The following TAF4 variants were observed in gnomAD, a reference collection of about 807,000 sequenced individuals.
The protein encoded by TAF4 is TATA-box binding protein associated factor 4.
In TAF4, 9 loss-of-function variants were observed where a neutral mutation model predicts 90.3. The observed-to-expected ratio is 0.10, with a 90% CI of 0.06 to 0.17. The LOEUF (loss-of-function observed/expected upper bound fraction) is 0.17, where lower values mean the gene tolerates loss of function less well. Ranked by LOEUF, TAF4 falls within the 10% of genes least tolerant of loss-of-function variation. The probability of loss-of-function intolerance (pLI) is 1.00; values close to 1 mark genes in which losing one functional copy is unlikely to be tolerated. For missense variants in TAF4, 1,351 were observed against 1,370.7 expected, an observed-to-expected ratio of 0.99 and a Z score of 0.23; for synonymous variants, 818 against 638.9, an observed-to-expected ratio of 1.28 and a Z score of -4.23.
intron 1 of TAF4, among the ~76,000 whole-genome samples, chr20:62,060,210 G>A (rs1315011804): frequency 2.0e-5 from 3 of 152,214 alleles, no homozygotes; most frequent in South Asian, 2.1e-4. Flanking sequence ...CCAGGCGCCC[G>A]GGGCCTGCCT....
intron 1 of TAF4, among the ~76,000 whole-genome samples, chr20:62,033,762 G>A (rs1159765956): frequency 6.6e-6 from 1 of 151,334 alleles, no homozygotes; most frequent in East Asian, 1.9e-4. Flanking sequence ...AAGAAAAAGG[G>A]CCAGGTGAGG....
intron 14 of TAF4, among the ~76,000 whole-genome samples, chr20:61,996,626 C>T (rs1372151575): frequency 2.0e-5 from 3 of 151,294 alleles, no homozygotes; most frequent in African/African-American, 7.3e-5. Context: ...TGGTGAAACC[C>T]CGTCTCTCCT....
At chr20:62,050,566 G>A (rs1368715174) in intron 1 of TAF4, among the ~76,000 whole-genome samples, 1 of 151,972 alleles carries the variant, frequency 6.6e-6, no homozygotes, top group African/African-American at 2.4e-5. Flanking sequence ...AAGAGTAAAG[G>A]AATTTAAATG....
chr20:61,988,768 C>T (rs1230053578), intron 14 of TAF4, among the ~76,000 whole-genome samples: 1 of 152,182 alleles, frequency 6.6e-6, no homozygotes, highest in East Asian at 1.9e-4. Flanking sequence ...ACCCACTCGG[C>T]AGTGCCTCAC....
chr20:62,014,422 G>A lies in TAF4; in HGVS notation c.1521+125C>T, dbSNP rs552921334. 4.0e-5 allele frequency: 51 copies of A among 1,271,524 alleles called. 1 individual carries two copies. Among genetic ancestry groups the A allele is most frequent in the Admixed American group, 2.3e-4 (7 of 30,258 alleles). The allele number at this position is 1,271,524 out of a possible 1,614,324, so 78.8% of individuals were successfully genotyped here. On this transcript the variant is annotated intron_variant, in intron 2 of 14. Coordinates refer to ENST00000252996, the MANE Select transcript of TAF4 (RefSeq NM_003185.4). ...TAGATGGGACGGATGGGACTGGGAC[G>A]CCGCCCACACTTCCCAGTCCTCACT...
chr20:62,061,351 T>C (rs909457026), intron 1 of TAF4, among the ~76,000 whole-genome samples: 1 of 152,144 alleles, frequency 6.6e-6, no homozygotes, highest in African/African-American at 2.4e-5. Flanking sequence ...GGAGTACTCA[T>C]CCTAAAACAT....
chr20:62,041,299 T>G lies in TAF4; in HGVS notation c.1360+23152A>C, dbSNP rs1430316203. On this transcript the variant is annotated intron_variant, in intron 1 of 14. Transcript: ENST00000252996. Reference sequence around the variant, plus strand: ...TAAATTATGTCCCCTCCAAGAATTTTTATGCATGTTAACCTCTATTTAAAG... The same window carrying G: ...TAAATTATGTCCCCTCCAAGAATTTGTATGCATGTTAACCTCTATTTAAAG... Among the ~76,000 whole-genome samples, 3 of 152,166 alleles carry G rather than the reference T, an allele frequency of 2.0e-5. No homozygotes were observed. In the East Asian group the frequency reaches 5.8e-4, roughly 29 times the overall value.
chr20:62,033,630 G>A (rs2055915993), intron 1 of TAF4, among the ~76,000 whole-genome samples: 1 of 152,026 alleles, frequency 6.6e-6, no homozygotes, highest in Non-Finnish European at 1.5e-5. Flanking sequence ...CCAGCTACTC[G>A]GGAGGCTGAA....
intron 1 of TAF4, among the ~76,000 whole-genome samples, chr20:62,035,276 G>A (rs2055926134): frequency 6.6e-6 from 1 of 152,214 alleles, no homozygotes; most frequent in Non-Finnish European, 1.5e-5. Context: ...AAAAGCAACA[G>A]AATGGAGTAT....
At chr20:62,022,028 G>A (rs529629669) in intron 1 of TAF4, among the ~76,000 whole-genome samples, 18 of 152,076 alleles carry the variant, frequency 1.2e-4, no homozygotes, top group African/African-American at 4.3e-4. Context: ...GGCCCTCCAG[G>A]CCCGCCAAGG....
chr20:62,049,404 C>T (rs1217952293), intron 1 of TAF4, among the ~76,000 whole-genome samples: 4 of 152,268 alleles, frequency 2.6e-5, no homozygotes, highest in East Asian at 3.9e-4. Context: ...ACTTCTGCGT[C>T]CCCTGCTCAG....
intron 1 of TAF4, among the ~76,000 whole-genome samples, chr20:62,047,251 G>C (rs1299513328): frequency 6.6e-6 from 1 of 152,122 alleles, no homozygotes; most frequent in Non-Finnish European, 1.5e-5. Flanking sequence ...ATGGGGCTAT[G>C]GTAGCTACCA....
chr20:62,065,610 C>T lies in TAF4; in HGVS notation c.201G>A (p.Pro67=). The change falls in exon 1 of 15, where the codon CCG becomes CCA. Residue 67 remains proline (P), a synonymous_variant. Transcript: ENST00000252996. Reference sequence around the variant, plus strand: ...CCGGCCCTGCGCCCGCGGCTCCGGCCGGGCTGCCGCTCACAACATGGTTCC... The same window carrying T: ...CCGGCCCTGCGCCCGCGGCTCCGGCTGGGCTGCCGCTCACAACATGGTTCC... ...ALGNHVVSGS[P]AGAAGAGPAA... is the part of the protein sequence containing the mutation. 2.0e-6 allele frequency: 2 copies of T among 1,001,180 alleles called. No homozygotes were observed. Among genetic ancestry groups the T allele is most frequent in the Non-Finnish European group, 1.2e-6 (1 of 842,566 alleles). 62.0% of individuals were successfully genotyped at this position (1,001,180 alleles called of 1,614,324 possible).
intron 1 of TAF4, among the ~76,000 whole-genome samples, chr20:62,030,054 G>T (rs939171934): frequency 2.6e-5 from 4 of 152,210 alleles, no homozygotes; most frequent in Non-Finnish European, 4.4e-5. Context: ...GCCAGGTGGA[G>T]GAAAGACGCA....
chr20:62,025,369 C>T (rs1186829167), intron 1 of TAF4, among the ~76,000 whole-genome samples: 3 of 152,210 alleles, frequency 2.0e-5, no homozygotes, highest in African/African-American at 7.2e-5. Context: ...TGATACAGCA[C>T]AGATGACTCT....
intron 1 of TAF4, among the ~76,000 whole-genome samples, chr20:62,055,473 GGGGCA>G (rs2056058074): frequency 6.6e-6 from 1 of 151,826 alleles, no homozygotes; most frequent in Non-Finnish European, 1.5e-5. Context: ...ACACTGCCTG[GGGGCA>G]GCCCTGCAAT....
chr20:62,003,378 T>A (rs1225612592), intron 8 of TAF4, 104 bp from the exon 9 acceptor site: 3 of 930,778 alleles, frequency 3.2e-6, no homozygotes, highest in African/African-American at 3.3e-5. Flanking sequence ...CTCTCCTAAT[T>A]AGCTACAAGA....
In TAF4 at chr20:62,006,856, T is replaced by G; in HGVS notation, c.1975-98A>C. 2 of 1,404,980 alleles carry G rather than the reference T, an allele frequency of 1.4e-6. No individual in the cohort carries two copies. Among genetic ancestry groups the G allele is most frequent in the Non-Finnish European group, 1.9e-6 (2 of 1,069,570 alleles). 87.0% of individuals were successfully genotyped at this position (1,404,980 alleles called of 1,614,324 possible). A position where few individuals can be genotyped will look rare whatever the true frequency, so the allele number is the denominator to read the frequency against. On this transcript the variant is annotated intron_variant, in intron 6 of 14. Coordinates refer to ENST00000252996, the MANE Select transcript of TAF4 (RefSeq NM_003185.4). This position sits in a 1 kb window ranked among gnomAD's most constrained non-coding sequence, Gnocchi z 7.0. ...AATATCAACTTTTACAGAAAGCTTT[T>G]GAGCTAAGTAAGATGGATCTTGGCC...
chr20:62,030,922 G>A (rs1010710286), intron 1 of TAF4, among the ~76,000 whole-genome samples: 2 of 152,112 alleles, frequency 1.3e-5, no homozygotes, highest in African/African-American at 4.8e-5. Context: ...CCTCTTCTCA[G>A]TACTCAATTC....
Sources: gnomAD v4.1 joint callset for allele counts (sites outside exome capture counted in the v4.1 genomes callset) on GRCh38, gnomAD v4.1.1 for gene constraint, Gnocchi (gnomAD v3.1) non-coding constraint, MANE v1.5 for transcripts, NCBI Gene and HGNC (gene_info 2026-07-23, HGNC 2026-07-21) for gene names.